Variants in FRAS1 observed in about 807,000 individuals in gnomAD.
FRAS1 encodes the protein extracellular matrix organizing protein FRAS1.
FRAS1 carries 290 observed loss-of-function variants against 435.2 expected under a neutral mutation model. That is an observed-to-expected ratio of 0.67 (90% CI 0.61 to 0.73). FRAS1 has a LOEUF of 0.73. FRAS1 is among the 30% of genes least tolerant of loss of function. The pLI, the probability that FRAS1 is intolerant of heterozygous loss-of-function variation, is 0.00. For synonymous variants in FRAS1, 1,800 were observed against 1,851.0 expected, an observed-to-expected ratio of 0.97 and a Z score of 0.71; for missense variants, 4,860 against 5,001.5, an observed-to-expected ratio of 0.97 and a Z score of 0.85.
rs984286267 is a variant in FRAS1, at chr4:78,307,737, T to C, written c.1535-329T>C. On this transcript the variant is annotated intron_variant, in intron 14 of 73. Transcript: ENST00000512123. ...GCTGGCGCATGGTGCATGCACCCAC[T>C]GACCTGCGCCCACTGTCTGGCATTC... 3.3e-5 allele frequency among the ~76,000 whole-genome samples: 5 copies of C among 152,232 alleles called. No individual in the cohort carries two copies. The South Asian group carries it at 6.2e-4, about 19-fold the overall frequency.
chr4:78,472,791 CCT>C (rs1189843947), intron 52 of FRAS1, among the ~76,000 whole-genome samples: 5 of 152,030 alleles, frequency 3.3e-5, no homozygotes, highest in South Asian at 2.1e-4. Context: ...AAATATTTTC[CCT>C]GTTTTGAATC....
chr4:78,125,222 A>G (rs953895006), intron 2 of FRAS1, among the ~76,000 whole-genome samples: 1 of 152,214 alleles, frequency 6.6e-6, no homozygotes, highest in African/African-American at 2.4e-5. Flanking sequence ...GAACATCTTT[A>G]TTTCTGACTT....
intron 2 of FRAS1, among the ~76,000 whole-genome samples, chr4:78,185,321 C>T (rs1174369697): frequency 6.6e-6 from 1 of 152,130 alleles, no homozygotes; most frequent in African/African-American, 2.4e-5. Flanking sequence ...TTGGCTTCAG[C>T]TTTGTTAAAG....
chr4:78,429,822 A>T (rs1734142493), intron 36 of FRAS1, among the ~76,000 whole-genome samples: 1 of 152,234 alleles, frequency 6.6e-6, no homozygotes, highest in South Asian at 2.1e-4. Flanking sequence ...TACCAAACTT[A>T]CAAATAAGCC....
At chr4:78,467,744 T>C (rs1281822241) in intron 50 of FRAS1, among the ~76,000 whole-genome samples, 1 of 152,220 alleles carries the variant, frequency 6.6e-6, no homozygotes, top group Admixed American at 6.5e-5. Context: ...TTTTATTACC[T>C]GTCTTTTAGA....
At position 78,363,404 on chromosome 4, in the gene FRAS1, T is replaced by A. The variant is rs1018309814; in HGVS notation, c.2423-109T>A. 4 of 1,087,204 alleles carry A rather than the reference T, an allele frequency of 3.7e-6. No homozygotes were observed. In the African/African-American group the frequency reaches 4.7e-5, roughly 13 times the overall value. The allele number at this position is 1,087,204 out of a possible 1,614,324, so 67.3% of individuals were successfully genotyped here. On this transcript the variant is annotated intron_variant, in intron 20 of 73. Coordinates refer to ENST00000512123, the MANE Select transcript of FRAS1 (RefSeq NM_025074.7). The stretch of plus-strand genomic sequence containing the variant: ...CACTGCCTTTGGGCTACTCTCCAGC[T>A]GTCAGCTGCAGTGTTTGTAATTGAA...
At chr4:78,170,632 G>C (rs1175379407) in intron 2 of FRAS1, among the ~76,000 whole-genome samples, 1 of 152,072 alleles carries the variant, frequency 6.6e-6, no homozygotes, top group African/African-American at 2.4e-5. Context: ...GCATCCTGGG[G>C]ATTTCACCAA....
chr4:78,442,042 T>C (rs1159590594), intron 41 of FRAS1, among the ~76,000 whole-genome samples: 1 of 152,222 alleles, frequency 6.6e-6, no homozygotes, highest in Non-Finnish European at 1.5e-5. Context: ...TGGGCTCTAA[T>C]TGGTGTGCAG....
Position 78,438,194 on chromosome 4 carries a change from G to A in FRAS1, c.5218-376G>A, listed in dbSNP as rs1455086774. 5.9e-5 allele frequency among the ~76,000 whole-genome samples: 9 copies of A among 152,042 alleles called. No homozygotes were observed. The East Asian group carries it at 1.7e-3, about 29-fold the overall frequency. On this transcript the variant is annotated intron_variant, in intron 38 of 73. Coordinates refer to ENST00000512123, the MANE Select transcript of FRAS1 (RefSeq NM_025074.7). ...GAAACTCTAGAAAAATCCTACATCT[G>A]TGTTTACAGGTTGATGACTTATAGA... is the stretch of plus-strand genomic sequence containing the variant.
In FRAS1 at chr4:78,482,480, C is replaced by T. The variant is rs536123620; in HGVS notation, c.8697C>T (p.Ala2899=). The part of the protein sequence containing the change: ...FVVFLSSAQG[A]ELTKPFQAVI... ...TTTTCCTCAGCTCAGCACAAGGAGC[C>T]GAACTGACCAAACCCTTCCAGGCAG... The change falls in exon 58 of 74, where the codon GCC becomes GCT. Residue 2899 remains alanine, a synonymous_variant. Coordinates refer to ENST00000512123, the MANE Select transcript of FRAS1 (RefSeq NM_025074.7). The T allele has an allele frequency of 6.8e-6, 11 of 1,613,848 alleles. No homozygotes were observed. Among genetic ancestry groups the T allele is most frequent in the South Asian group, 2.2e-5 (2 of 91,076 alleles).
chr4:78,534,753 C>A, intron 71 of FRAS1, 138 bp downstream of exon 71: 1 of 732,260 alleles, frequency 1.4e-6, no homozygotes, highest in Non-Finnish European at 2.2e-6. Flanking sequence ...GGTTCCAGGA[C>A]AGCCAGGACT....
chr4:78,086,328 G>C (rs1188888482), intron 2 of FRAS1, among the ~76,000 whole-genome samples: 1 of 152,160 alleles, frequency 6.6e-6, no homozygotes, highest in East Asian at 1.9e-4. Flanking sequence ...AAGCAGGAAA[G>C]ATCCAAAATT....
Position 78,481,798 on chromosome 4 carries a change from AT to A in FRAS1, c.8444-4del. 6.2e-7 allele frequency: 1 copy of A among 1,613,822 alleles called. No homozygotes were observed. Among genetic ancestry groups the A allele is most frequent in the Non-Finnish European group, 8.5e-7 (1 of 1,179,760 alleles). On this transcript the variant is annotated splice_polypyrimidine_tract_variant and splice_region_variant and intron_variant, in intron 56 of 73. Coordinates refer to ENST00000512123, the MANE Select transcript of FRAS1 (RefSeq NM_025074.7). ...ACCATTAAAATCTCTATGAATCTTA[AT>A]TCAGGCACAGTAAAGATTCCAGTTA...
intron 14 of FRAS1, among the ~76,000 whole-genome samples, chr4:78,302,925 C>T (rs973429869): frequency 1.3e-5 from 2 of 152,136 alleles, no homozygotes; most frequent in African/African-American, 4.8e-5. Flanking sequence ...GACATGAAGT[C>T]CTTGCCCATG....
At chr4:78,284,943 A>G (rs1560627054) in intron 13 of FRAS1, among the ~76,000 whole-genome samples, 2 of 152,208 alleles carry the variant, frequency 1.3e-5, no homozygotes. Flanking sequence ...GACCTTCAAG[A>G]TCATTTACTG....
chr4:78,203,073 G>A (rs1455721458), intron 2 of FRAS1, among the ~76,000 whole-genome samples: 2 of 152,168 alleles, frequency 1.3e-5, no homozygotes, highest in Non-Finnish European at 2.9e-5. Flanking sequence ...AATAATAATA[G>A]GACCATTTCA....
At position 78,425,974 on chromosome 4, in the gene FRAS1, C is replaced by T. The variant is rs139695802; in HGVS notation, c.4711+1554C>T. 7.2e-5 allele frequency among the ~76,000 whole-genome samples: 11 copies of T among 152,202 alleles called. No individual in the cohort carries two copies. The East Asian group carries it at 2.1e-3, about 29-fold the overall frequency. ...CACATAGTAATATTCCTTGTAGTCT[C>T]AACTACTCAGAAGGCTGAGGTGGGA... On this transcript the variant is annotated intron_variant, in intron 35 of 73. Coordinates refer to ENST00000512123, the MANE Select transcript of FRAS1 (RefSeq NM_025074.7).
intron 2 of FRAS1, among the ~76,000 whole-genome samples, chr4:78,209,930 G>A (rs1324142618): frequency 2.0e-5 from 3 of 152,134 alleles, no homozygotes; most frequent in Non-Finnish European, 4.4e-5. Context: ...TTAGCTCCCT[G>A]TGCCAGAGTT....
In FRAS1 at chr4:78,415,945, A is replaced by G. The variant is rs951899; in HGVS notation, c.4425+2860A>G. On this transcript the variant is annotated intron_variant, in intron 32 of 73. Coordinates refer to ENST00000512123, the MANE Select transcript of FRAS1 (RefSeq NM_025074.7). ...AATTAGTGGCATGAGCCCATGGTTA[A>G]GAGTTCAGGAGATCTTGAAGATATT... 8.2e-3 allele frequency among the ~76,000 whole-genome samples: 1,253 copies of G among 152,286 alleles called. 15 individuals are homozygous for G. The highest frequency in any genetic ancestry group is 0.029 in the African/African-American group (1,211 of 41,554).
Sources: gnomAD v4.1 joint callset for allele counts (sites outside exome capture counted in the v4.1 genomes callset) on GRCh38, gnomAD v4.1.1 for gene constraint, MANE v1.5 for transcripts, NCBI Gene and HGNC (gene_info 2026-07-23, HGNC 2026-07-21) for gene names.